The following ADCY9 variants were observed in gnomAD, a reference collection of about 807,000 sequenced individuals.
The protein encoded by ADCY9 is adenylate cyclase 9.
In ADCY9, 50 loss-of-function variants were observed where a neutral mutation model predicts 101.5. The ratio of observed to expected loss-of-function variants is 0.49; its 90% CI spans 0.39 to 0.62. The LOEUF (loss-of-function observed/expected upper bound fraction) is 0.62. Ranked by LOEUF, ADCY9 falls within the 20% of genes least tolerant of loss-of-function variation. The pLI is 0.00. For missense variants in ADCY9, 1,662 were observed against 1,800.4 expected, an observed-to-expected ratio of 0.92 and a Z score of 1.39; for synonymous variants, 905 against 769.3, an observed-to-expected ratio of 1.18 and a Z score of -2.92.
intron 2 of ADCY9, among the ~76,000 whole-genome samples, chr16:4,017,068 G>A (rs2056443423): frequency 6.6e-6 from 1 of 152,110 alleles, no homozygotes; most frequent in African/African-American, 2.4e-5. Context: ...GGAGGCTGAG[G>A]CAGGAGGACT....
chr16:3,962,351 C>T (rs1295981385), downstream of ADCY9, among the ~76,000 whole-genome samples: 2 of 152,158 alleles, frequency 1.3e-5, no homozygotes, highest in Non-Finnish European at 2.9e-5. Flanking sequence ...GGAGGCCTGA[C>T]AGGGAAAATC....
intron 2 of ADCY9, among the ~76,000 whole-genome samples, chr16:4,092,972 TCA>T (rs528582676): frequency 6.6e-6 from 1 of 152,312 alleles, no homozygotes; most frequent in Admixed American, 6.5e-5. Context: ...CAGAATGATC[TCA>T]GTTTTTTTAA....
At position 3,974,693 on chromosome 16, in the gene ADCY9, G is replaced by A; in HGVS notation, c.2846C>T (p.Pro949Leu). The change falls in exon 10 of 11, where the codon CCC becomes CTC. Residue 949 changes from proline (P) to leucine (L), a missense_variant. By Grantham distance (98) the Pro-to-Leu change is moderately conservative. Coordinates refer to ENST00000294016, the MANE Select transcript of ADCY9 (RefSeq NM_001116.4). ...CCTGAAATTCTGTACTGCGTCAAGGGGCGAAGTTAATACAGAACTGAAATT... is the reference window on the plus strand; with the variant it reads ...CCTGAAATTCTGTACTGCGTCAAGGAGCGAAGTTAATACAGAACTGAAATT... ...LCPDSSVLTS[P>L]LDAVQNFSSE... is the part of the protein sequence containing the mutation. The A allele has an allele frequency of 6.2e-7, 1 of 1,612,990 alleles. No individual in the cohort carries two copies.
At chr16:4,088,068 GCTA>G (rs2056951361) in intron 2 of ADCY9, among the ~76,000 whole-genome samples, 1 of 151,032 alleles carries the variant, frequency 6.6e-6, no homozygotes, top group African/African-American at 2.4e-5. Context: ...ACCATGCCCG[GCTA>G]ACTTGTTACT....
Position 3,966,927 on chromosome 16 carries a change from G to A in ADCY9, c.2910C>T (p.Asp970=). ...CGATGAGGCTGGCGGGCCGCCGGAG[G>A]TCACGCGGCACCGAACTATTGCACG... The part of the protein sequence containing the change: ...RNPCNSSVPR[D]LRRPASLIGQ... Residue 970 remains aspartate, a synonymous_variant, in exon 11 of 11, where the codon GAC becomes GAT. Transcript: ENST00000294016. 1.2e-6 allele frequency: 2 copies of A among 1,613,806 alleles called. No homozygotes were observed. The highest frequency in any genetic ancestry group is 1.1e-5 in the South Asian group (1 of 91,090).
intron 2 of ADCY9, among the ~76,000 whole-genome samples, chr16:4,015,409 A>G (rs1367636103): frequency 2.0e-5 from 3 of 152,042 alleles, no homozygotes; most frequent in Non-Finnish European, 4.4e-5. Flanking sequence ...GCCTTCACAA[A>G]GACTGTAGAA....
At chr16:4,078,052 C>T (rs928791634) in intron 2 of ADCY9, among the ~76,000 whole-genome samples, 1 of 151,302 alleles carries the variant, frequency 6.6e-6, no homozygotes, top group Non-Finnish European at 1.5e-5. Flanking sequence ...TGTCCAGTTA[C>T]AAAGAAAAAT....
intron 8 of ADCY9, 150 bp from the exon 9 acceptor site, chr16:3,977,780 A>T (rs912689219): frequency 1.3e-5 from 13 of 997,812 alleles, no homozygotes; most frequent in Non-Finnish European, 1.9e-5. Flanking sequence ...GCAGTGGTGC[A>T]ATCTCAGCTC....
intron 2 of ADCY9, among the ~76,000 whole-genome samples, chr16:4,062,398 T>C (rs1441230286): frequency 6.6e-6 from 1 of 152,164 alleles, no homozygotes; most frequent in African/African-American, 2.4e-5. Flanking sequence ...ATATCAATAA[T>C]TGCATTAAAT....
In ADCY9 at chr16:4,025,628, C is replaced by T. The variant is rs192727986; in HGVS notation, c.1694-18070G>A. Among the ~76,000 whole-genome samples, 9 of 152,242 alleles carry T rather than the reference C, an allele frequency of 5.9e-5. No individual in the cohort carries two copies. The East Asian group carries it at 1.4e-3, about 23-fold the overall frequency. ...CACGAGGCCTGCCGAGGAAATGGCC[C>T]GGGGGTGTGGCAGGGCGGAGGTCCT... On this transcript the variant is annotated intron_variant, in intron 2 of 10. Coordinates refer to ENST00000294016, the MANE Select transcript of ADCY9 (RefSeq NM_001116.4).
chr16:4,002,918 G>T (rs1241713983), intron 3 of ADCY9, among the ~76,000 whole-genome samples: 1 of 152,216 alleles, frequency 6.6e-6, no homozygotes, highest in African/African-American at 2.4e-5. Flanking sequence ...GTTTCACCAT[G>T]TTGGCCAGGC....
At chr16:4,072,748 G>C (rs2056842460) in intron 2 of ADCY9, among the ~76,000 whole-genome samples, 1 of 152,072 alleles carries the variant, frequency 6.6e-6, no homozygotes, top group Admixed American at 6.6e-5. Context: ...CTCCAAAAAA[G>C]AGAAATACCA....
intron 5 of ADCY9, among the ~76,000 whole-genome samples, chr16:3,954,434 C>T (rs2055897058): frequency 6.6e-6 from 1 of 152,156 alleles, no homozygotes; most frequent in Admixed American, 6.5e-5. Flanking sequence ...GATGAAGTTC[C>T]TCTTTCTGAG....
chr16:3,966,864 C>A lies in ADCY9; in HGVS notation c.2973G>T (p.Leu991Phe), dbSNP rs2056002744. Residue 991 changes from leucine (L) to phenylalanine (F), a missense_variant, in exon 11 of 11, where the codon TTG becomes TTT. Around this residue, in one of 5 missense-constraint regions of ADCY9, gnomAD observed 624 missense variants for 639.1 expected, o/e 0.98. Coordinates refer to ENST00000294016, the MANE Select transcript of ADCY9 (RefSeq NM_001116.4). ...EVVLVFFLLL[L>F]LVWFLNREFE... ...ATTCGCGATTCAGGAACCAGACCAA[C>A]AAGAGCAGGAGAAAGAAGACGAGAA... 6.2e-7 allele frequency: 1 copy of A among 1,614,070 alleles called. No individual in the cohort carries two copies. Among genetic ancestry groups the A allele is most frequent in the Non-Finnish European group, 8.5e-7 (1 of 1,180,044 alleles).
Position 3,963,621 on chromosome 16 carries a change from G to T in ADCY9, c.*2154C>A. 1 of 341,954 alleles carries T rather than the reference G, an allele frequency of 2.9e-6. No homozygotes were observed. The allele number at this position is 341,954 out of a possible 1,614,324, so 21.2% of individuals were successfully genotyped here. A position where few individuals can be genotyped will look rare whatever the true frequency, so the allele number is the denominator to read the frequency against. On this transcript the variant is annotated 3_prime_UTR_variant, in exon 11 of 11. Coordinates refer to ENST00000294016, the MANE Select transcript of ADCY9 (RefSeq NM_001116.4). ...CACCTTTGTGGTTGGGGAAGGAAAT[G>T]GGCTTGATGGGGAAGAAGTGTGTGC...
intron 2 of ADCY9, among the ~76,000 whole-genome samples, chr16:4,044,930 C>G (rs1028168222): frequency 5.3e-5 from 8 of 152,152 alleles, no homozygotes; most frequent in Non-Finnish European, 8.8e-5. Context: ...TCCCGGCTCC[C>G]GCACGTGACT....
intron 9 of ADCY9, among the ~76,000 whole-genome samples, chr16:3,975,848 T>C (rs28637835): frequency 9.4e-4 from 143 of 152,322 alleles, no homozygotes; most frequent in African/African-American, 3.2e-3. Context: ...GTTTAAGATA[T>C]CACGAAATAT....
intron 2 of ADCY9, among the ~76,000 whole-genome samples, chr16:4,076,405 T>C (rs909550258): frequency 1.3e-5 from 2 of 152,244 alleles, no homozygotes; most frequent in African/African-American, 4.8e-5. Context: ...TTTTGCATTT[T>C]TGTGTGCCCA....
intron 2 of ADCY9, among the ~76,000 whole-genome samples, chr16:4,025,576 C>G (rs534322463): frequency 1.1e-4 from 16 of 152,268 alleles, no homozygotes; most frequent in African/African-American, 3.9e-4. Flanking sequence ...AGAAGGCACA[C>G]GCGGTCAGTC....
Sources: allele counts gnomAD v4.1 joint callset (sites outside exome capture counted in the v4.1 genomes callset), GRCh38; gene constraint gnomAD v4.1.1; regional missense constraint gnomAD v4.1.1; transcripts MANE v1.5; gene names NCBI Gene and HGNC (gene_info 2026-07-23, HGNC 2026-07-21).